Variants in RERE observed in about 807,000 individuals in gnomAD.
RERE encodes arginine-glutamic acid dipeptide repeats protein.
Under a neutral mutation model 146.1 loss-of-function variants are expected in RERE, and 40 were observed. The observed-to-expected ratio is 0.27, with a 90% CI of 0.21 to 0.36. RERE has a LOEUF of 0.36. Among genes scored for constraint, RERE ranks in the 10% least tolerant of loss-of-function variants. The pLI is 1.00. For synonymous variants in RERE, 1,003 were observed against 866.0 expected (o/e 1.16, Z -2.78); for missense variants, 1,933 against 2,138.7 (o/e 0.90, Z 1.90).
At chr1:8,732,024 C>T (rs552679481) in intron 1 of RERE, among the ~76,000 whole-genome samples, 6 of 152,168 alleles carry the variant, frequency 3.9e-5, no homozygotes, top group Non-Finnish European at 8.8e-5. Flanking sequence ...AGGATGGTCT[C>T]GATCTCCTGA....
At chr1:8,813,614 C>CA (rs1472664474) in intron 1 of RERE, among the ~76,000 whole-genome samples, 3 of 121,152 alleles carry the variant, frequency 2.5e-5, no homozygotes, top group Non-Finnish European at 1.7e-5. Context: ...CTATTTTTTC[C>CA]TTTTTTTTTT....
intron 4 of RERE, among the ~76,000 whole-genome samples, chr1:8,606,328 C>A (rs1223011088): frequency 6.6e-6 from 1 of 151,924 alleles, no homozygotes; most frequent in Non-Finnish European, 1.5e-5. Flanking sequence ...AAGACAGATT[C>A]TAAATTTTAA....
intron 12 of RERE, among the ~76,000 whole-genome samples, chr1:8,386,571 C>CTGTTTTTTTTTTTTTTTTTTTTT (rs1642687587): frequency 6.7e-6 from 1 of 148,184 alleles, no homozygotes; most frequent in Admixed American, 7.0e-5. Context: ...ATATCTAGAA[C>CTGTTTTTTTTTTTTTTTTTTTTT]TCTTACAAAT....
In RERE at chr1:8,669,757, T is replaced by C. The variant is rs189193784; in HGVS notation, c.-144-13316A>G. Among the ~76,000 whole-genome samples the C allele has an allele frequency of 2.6e-3, 403 of 152,330 alleles. 2 individuals are homozygous for C. The highest frequency in any genetic ancestry group is 9.2e-3 in the African/African-American group (383 of 41,574). On this transcript the variant is annotated intron_variant, in intron 1 of 22. Coordinates refer to ENST00000400908, the MANE Select transcript of RERE (RefSeq NM_001042681.2). ...TATCTCTGTATAGCATGTTCAAAAG[T>C]AGATTAAGTTGGACAGGGTTTCTTT... is the stretch of plus-strand genomic sequence containing the variant.
At chr1:8,428,116 A>G (rs763639047) in intron 11 of RERE, among the ~76,000 whole-genome samples, 2 of 152,150 alleles carry the variant, frequency 1.3e-5, no homozygotes, top group Non-Finnish European at 2.9e-5. Flanking sequence ...TATCACTCCC[A>G]GTGTATAGAT....
chr1:8,642,763 C>T (rs1647196753), intron 2 of RERE, among the ~76,000 whole-genome samples: 1 of 152,118 alleles, frequency 6.6e-6, no homozygotes. Context: ...GGTAAACCTT[C>T]TGGACAGTCA....
intron 4 of RERE, among the ~76,000 whole-genome samples, chr1:8,589,924 G>C (rs1646472568): frequency 1.3e-5 from 2 of 152,294 alleles, no homozygotes; most frequent in African/African-American, 4.8e-5. Flanking sequence ...GACACATCTA[G>C]GTAGAACATC....
At chr1:8,417,065 T>G (rs908514391) in intron 12 of RERE, among the ~76,000 whole-genome samples, 2 of 152,246 alleles carry the variant, frequency 1.3e-5, no homozygotes, top group African/African-American at 2.4e-5. Context: ...CTCAGTAGCA[T>G]CAACCGACTA....
intron 1 of RERE, among the ~76,000 whole-genome samples, chr1:8,801,286 T>C (rs113060908): frequency 0.22 from 31,549 of 144,738 alleles, 3,767 homozygotes; most frequent in Middle Eastern, 0.28. Context: ...TTTTTTTTTT[T>C]GAGACGGAGT....
At chr1:8,814,911 T>C (rs1227080010) in intron 1 of RERE, among the ~76,000 whole-genome samples, 1 of 152,180 alleles carries the variant, frequency 6.6e-6, no homozygotes. Flanking sequence ...AACATAATAA[T>C]GCCTCAATGC....
At chr1:8,439,818 A>C (rs1247228182) in intron 11 of RERE, among the ~76,000 whole-genome samples, 1 of 152,234 alleles carries the variant, frequency 6.6e-6, no homozygotes, top group East Asian at 1.9e-4. Context: ...CACGCCTGTA[A>C]TCCCAGCACT....
In RERE at chr1:8,508,612, G is replaced by C. The variant is rs1645288607; in HGVS notation, c.879+15C>G. On this transcript the variant is annotated intron_variant, in intron 8 of 22. Coordinates refer to ENST00000400908, the MANE Select transcript of RERE (RefSeq NM_001042681.2). ...AACAAAAACCTATTAAGGAAGCTAT[G>C]AAAATGAACTTCACCTGATGACTAG... 1 of 1,597,992 alleles carries C rather than the reference G, an allele frequency of 6.3e-7. No individual in the cohort carries two copies. The highest frequency in any genetic ancestry group is 1.7e-5 in the Admixed American group (1 of 59,844).
intron 2 of RERE, among the ~76,000 whole-genome samples, chr1:8,634,283 C>A (rs1309146078): frequency 2.6e-5 from 4 of 152,182 alleles, no homozygotes; most frequent in Non-Finnish European, 4.4e-5. Flanking sequence ...CCACTCAATG[C>A]CTATTACTAA....
intron 1 of RERE, among the ~76,000 whole-genome samples, chr1:8,801,291 C>T (rs938050706): frequency 1.6e-4 from 24 of 149,060 alleles, no homozygotes; most frequent in African/African-American, 5.4e-4. Flanking sequence ...TTTTTTGAGA[C>T]GGAGTTTTGC....
At position 8,358,618 on chromosome 1, in the gene RERE, T is replaced by G; in HGVS notation, c.3917A>C (p.Glu1306Ala). 1 of 1,591,414 alleles carries G rather than the reference T, an allele frequency of 6.3e-7. No homozygotes were observed. Among genetic ancestry groups the G allele is most frequent in the Non-Finnish European group, 8.5e-7 (1 of 1,169,892 alleles). The change falls in exon 20 of 23, where the codon GAG becomes GCG. Residue 1306 changes from glutamate to alanine, a missense_variant. Around this residue, in one of 11 missense-constraint regions of RERE, gnomAD observed 1,255 missense variants for 1,153.8 expected, o/e 1.09. Transcript: ENST00000400908. ...DPTIRERELR[E>A]REIREREIRE... ...GATCTCCCGCTCTCGGATCTCCCGC[T>G]CCCGGAGCTCCCGCTCGCGGATGGT...
chr1:8,580,977 C>T (rs989495204), intron 4 of RERE, among the ~76,000 whole-genome samples: 1 of 152,122 alleles, frequency 6.6e-6, no homozygotes, highest in African/African-American at 2.4e-5. Context: ...GCTGGGATTA[C>T]AGGTGTGAGC....
At chr1:8,741,611 C>T (rs1036361173) in intron 1 of RERE, among the ~76,000 whole-genome samples, 3 of 152,168 alleles carry the variant, frequency 2.0e-5, no homozygotes, top group African/African-American at 7.2e-5. Context: ...TCTGTCCTGC[C>T]ACCCTGTGAA....
Position 8,364,733 on chromosome 1 carries a change from C to T in RERE, c.1540+13G>A, listed in dbSNP as rs772891631. The T allele has an allele frequency of 5.6e-6, 9 of 1,606,662 alleles. No homozygotes were observed. Among genetic ancestry groups the T allele is most frequent in the South Asian group, 2.2e-5 (2 of 90,930 alleles). On this transcript the variant is annotated intron_variant, in intron 14 of 22. Coordinates refer to ENST00000400908, the MANE Select transcript of RERE (RefSeq NM_001042681.2). This position sits in a 1 kb window ranked among gnomAD's most constrained non-coding sequence, Gnocchi z 5.1. Reference sequence around the variant, plus strand: ...CCCCCGCCCCGCCCCAGGAGCGTGACGAGGCCACTTACTGGTGGTGAAGCA... The same window carrying T: ...CCCCCGCCCCGCCCCAGGAGCGTGATGAGGCCACTTACTGGTGGTGAAGCA...
Position 8,770,315 on chromosome 1 carries a change from A to T in RERE, c.-145+46845T>A, listed in dbSNP as rs541243067. Reference sequence around the variant, plus strand: ...AGAATGGGTACTTATTTAAAAAAAAATTTTTTTTTAAAAGGATGACTGTAA... The same window carrying T: ...AGAATGGGTACTTATTTAAAAAAAATTTTTTTTTTAAAAGGATGACTGTAA... On this transcript the variant is annotated intron_variant, in intron 1 of 22. Transcript: ENST00000400908. Among the ~76,000 whole-genome samples, 126 of 152,006 alleles carry T rather than the reference A, an allele frequency of 8.3e-4. No individual in the cohort carries two copies. In the South Asian group the frequency reaches 0.013, roughly 15 times the overall value.
Sources: allele counts gnomAD v4.1 joint callset (sites outside exome capture counted in the v4.1 genomes callset), GRCh38; gene constraint gnomAD v4.1.1; regional missense constraint gnomAD v4.1.1; non-coding constraint Gnocchi (gnomAD v3.1); transcripts MANE v1.5; gene names NCBI Gene and HGNC (gene_info 2026-07-23, HGNC 2026-07-21).